HIVEP3: variants seen among roughly 807,000 people sequenced by gnomAD.
The protein encoded by HIVEP3 is HIVEP zinc finger 3.
A neutral mutation model predicts 152.8 loss-of-function variants in HIVEP3; 49 were observed. The ratio of observed to expected loss-of-function variants is 0.32; its 90% CI spans 0.26 to 0.41. The LOEUF (loss-of-function observed/expected upper bound fraction) is 0.41, where lower values mean the gene tolerates loss of function less well. Ranked by LOEUF, HIVEP3 falls within the 10% of genes least tolerant of loss-of-function variation. HIVEP3 has a pLI of 1.00. For missense variants in HIVEP3, 2,790 were observed against 3,103.3 expected (o/e 0.90, Z 2.40); for synonymous variants, 1,269 against 1,289.0 (o/e 0.98, Z 0.33).
chr1:41,785,019 A>G (rs1649266587), intron 1 of HIVEP3, among the ~76,000 whole-genome samples: 4 of 152,184 alleles, frequency 2.6e-5, no homozygotes, highest in South Asian at 4.1e-4. Context: ...ATCCCCCAAG[A>G]GGGCAGCAAA....
intron 1 of HIVEP3, among the ~76,000 whole-genome samples, chr1:41,777,884 T>C (rs560674369): frequency 1.3e-5 from 2 of 152,344 alleles, no homozygotes; most frequent in South Asian, 2.1e-4. Flanking sequence ...AAAGGTATCA[T>C]GTGGCCCCAG....
At chr1:41,693,090 C>G (rs1238207278) in intron 2 of HIVEP3, among the ~76,000 whole-genome samples, 1 of 152,192 alleles carries the variant, frequency 6.6e-6, no homozygotes, top group Non-Finnish European at 1.5e-5. Context: ...TGTTAAGGAA[C>G]TTTTCCAGGG....
chr1:41,763,879 G>A lies in HIVEP3; in HGVS notation c.-800-62884C>T, dbSNP rs192620273. Among the ~76,000 whole-genome samples the A allele has an allele frequency of 1.3e-3, 205 of 152,344 alleles. 1 individual carries two copies. Among genetic ancestry groups the A allele is most frequent in the Admixed American group, 1.6e-3 (25 of 15,306 alleles). The stretch of plus-strand genomic sequence containing the variant: ...GGATGTAATTGCTACTAACTAAAGT[G>A]CAGGAGAAGAATCAGTGAAGACTTC... On this transcript the variant is annotated intron_variant, in intron 1 of 8. Transcript: ENST00000372583.
intron 1 of HIVEP3, among the ~76,000 whole-genome samples, chr1:41,791,610 G>A (rs1038976267): frequency 2.7e-4 from 7 of 25,860 alleles, no homozygotes; most frequent in Non-Finnish European, 3.5e-4. Flanking sequence ...AGTTGCCTGG[G>A]AATGCTGATA....
intron 1 of HIVEP3, among the ~76,000 whole-genome samples, chr1:41,840,467 T>C (rs573492362): frequency 1.2e-4 from 18 of 152,214 alleles, no homozygotes; most frequent in Admixed American, 5.9e-4. Context: ...GAAGGATCCT[T>C]CCCTAGAGAC....
intron 2 of HIVEP3, among the ~76,000 whole-genome samples, chr1:41,668,403 G>A (rs996362203): frequency 6.6e-6 from 1 of 152,228 alleles, no homozygotes. Context: ...TGTGGAAGTG[G>A]CCTCACCCCA....
intron 2 of HIVEP3, among the ~76,000 whole-genome samples, chr1:41,632,818 G>A (rs1210434533): frequency 2.0e-5 from 3 of 152,082 alleles, no homozygotes; most frequent in African/African-American, 7.2e-5. Flanking sequence ...CAAATGGCCA[G>A]AATGTTCAAG....
chr1:42,003,797 A>C (rs1645442623), intron 1 of HIVEP3, among the ~76,000 whole-genome samples: 1 of 152,152 alleles, frequency 6.6e-6, no homozygotes, highest in Non-Finnish European at 1.5e-5. Context: ...AAAAAAAAAA[A>C]AAAGGCACTC....
At chr1:41,628,998 T>A in intron 2 of HIVEP3, 51 bp from the exon 3 acceptor site, 5 of 1,205,318 alleles carry the variant, frequency 4.1e-6, no homozygotes, top group Non-Finnish European at 5.2e-6. Flanking sequence ...TGGTCAACTT[T>A]TTTAGACACA....
chr1:41,667,788 A>G (rs1645818407), intron 2 of HIVEP3, among the ~76,000 whole-genome samples: 1 of 152,254 alleles, frequency 6.6e-6, no homozygotes. Flanking sequence ...AATAAATTAG[A>G]GCAGATAAAA....
rs746020400 is a variant in HIVEP3, at chr1:41,580,781, G to T, written c.4017C>A (p.Ser1339=). ...SYGSAMYTTL[S]QILVTQSQGS... is the part of the protein sequence containing the mutation. ...CTTGGGACTGGGTGACCAAGATCTG[G>T]GAAAGGGTGGTGTACATTGCGCTCC... The change falls in exon 4 of 9, where the codon TCC becomes TCA. Residue 1339 remains serine (S), a synonymous_variant. Transcript: ENST00000372583. The T allele has an allele frequency of 3.2e-6, 5 of 1,578,040 alleles. No individual in the cohort carries two copies. The South Asian group carries it at 3.6e-5, about 11-fold the overall frequency.
At chr1:41,869,091 C>T (rs1480309149) in intron 1 of HIVEP3, among the ~76,000 whole-genome samples, 1 of 152,202 alleles carries the variant, frequency 6.6e-6, no homozygotes, top group Non-Finnish European at 1.5e-5. Context: ...TTCATGTCTA[C>T]ACCCTATAGG....
At chr1:41,540,969 A>G (rs1363818487) in intron 5 of HIVEP3, among the ~76,000 whole-genome samples, 2 of 152,200 alleles carry the variant, frequency 1.3e-5, no homozygotes, top group Non-Finnish European at 2.9e-5. Context: ...CTCCAGACAT[A>G]AACAGCCAGT....
chr1:41,722,793 A>G (rs1008751662), intron 1 of HIVEP3, among the ~76,000 whole-genome samples: 1 of 152,116 alleles, frequency 6.6e-6, no homozygotes, highest in African/African-American at 2.4e-5. Flanking sequence ...GGAGGAAGTA[A>G]TCAAGGAAGA....
Position 41,507,259 on chromosome 1 carries a change from G to C in HIVEP3, c.*3192C>G, listed in dbSNP as rs1644392145. 1.3e-5 allele frequency: 2 copies of C among 152,276 alleles called. No homozygotes were observed. Among genetic ancestry groups the C allele is most frequent in the African/African-American group, 4.8e-5 (2 of 41,446 alleles). 9.4% of individuals were successfully genotyped at this position (152,276 alleles called of 1,614,324 possible). Reference sequence around the variant, plus strand: ...CAGAGGGAAGCAGAGGGACTTCTGGGTCTGGAAGTTGGAGCTTACGGAGGC... The same window carrying C: ...CAGAGGGAAGCAGAGGGACTTCTGGCTCTGGAAGTTGGAGCTTACGGAGGC... On this transcript the variant is annotated 3_prime_UTR_variant, in exon 9 of 9. Transcript: ENST00000372583.
chr1:41,563,160 A>C (rs1644107435), intron 5 of HIVEP3, among the ~76,000 whole-genome samples: 1 of 152,084 alleles, frequency 6.6e-6, no homozygotes, highest in South Asian at 2.1e-4. Flanking sequence ...CAGCCTGGCC[A>C]ACATGGCGAA....
At position 41,581,553 on chromosome 1, in the gene HIVEP3, T is replaced by G; in HGVS notation, c.3245A>C (p.Lys1082Thr). Reference sequence around the variant, plus strand: ...AGAGGAAATCTGGGACAATGAGCTTTTGGCAGAGGGTTTACTGGATGAGGG... The same window carrying G: ...AGAGGAAATCTGGGACAATGAGCTTGTGGCAGAGGGTTTACTGGATGAGGG... The part of the protein sequence containing the change: ...PQPSSSKPSA[K>T]SSLSQISSAA... The change falls in exon 4 of 9, where the codon AAA becomes ACA. Residue 1082 changes from lysine to threonine, a missense_variant. Coordinates refer to ENST00000372583, the MANE Select transcript of HIVEP3 (RefSeq NM_024503.5). The surrounding 1 kb of genome is among the most constrained non-coding windows in gnomAD (Gnocchi z 4.5). 6.2e-7 allele frequency: 1 copy of G among 1,604,590 alleles called. No homozygotes were observed. Among genetic ancestry groups the G allele is most frequent in the Non-Finnish European group, 8.5e-7 (1 of 1,175,962 alleles).
chr1:41,948,175 A>T lies in HIVEP3; in HGVS notation n.120-29651T>A, dbSNP rs527555244. Among the ~76,000 whole-genome samples the T allele has an allele frequency of 1.5e-4, 23 of 152,350 alleles. No homozygotes were observed. The East Asian group carries it at 3.3e-3, about 22-fold the overall frequency. On this transcript the variant is annotated intron_variant and non_coding_transcript_variant, in intron 1 of 3. Coordinates refer to the HIVEP3 transcript ENST00000489103. ...TCCTTCGTAGAAAAAGGACTTCGAA[A>T]AGCAGGGTATGCAGTGGTCAGTGAT...
chr1:41,804,714 C>T lies in HIVEP3; in HGVS notation c.-800-103719G>A, dbSNP rs150779636. ...TTGATTCATAACAATTTATCCTCTA[C>T]GACTATCTAGAAAAATCTACATGTA... is the stretch of plus-strand genomic sequence containing the variant. On this transcript the variant is annotated intron_variant, in intron 1 of 8. Coordinates refer to ENST00000372583, the MANE Select transcript of HIVEP3 (RefSeq NM_024503.5). Among the ~76,000 whole-genome samples the T allele has an allele frequency of 4.1e-3, 631 of 152,280 alleles. 2 individuals are homozygous for T. The highest frequency in any genetic ancestry group is 0.031 in the Middle Eastern group (9 of 294).
Sources: allele counts gnomAD v4.1 joint callset (sites outside exome capture counted in the v4.1 genomes callset), GRCh38; gene constraint gnomAD v4.1.1; non-coding constraint Gnocchi (gnomAD v3.1); transcripts MANE v1.5; gene names NCBI Gene and HGNC (gene_info 2026-07-23, HGNC 2026-07-21).